Variants in HHAT observed in about 807,000 individuals in gnomAD.
HHAT encodes the protein hedgehog acyltransferase.
A neutral mutation model predicts 70.8 loss-of-function variants in HHAT; 47 were observed. The ratio of observed to expected loss-of-function variants is 0.66; its 90% CI spans 0.53 to 0.85. HHAT has a LOEUF of 0.85. HHAT is among the 40% of genes least tolerant of loss of function. The pLI is 0.00. For missense variants in HHAT, 609 were observed against 604.8 expected (o/e 1.01, Z -0.07); for synonymous variants, 228 against 247.6 (o/e 0.92, Z 0.74).
chr1:210,516,212 C>A (rs183530885), intron 9 of HHAT, among the ~76,000 whole-genome samples: 1 of 152,012 alleles, frequency 6.6e-6, no homozygotes, highest in African/African-American at 2.4e-5. Context: ...AGGTTGAAGA[C>A]GGTGGGGTTA....
intron 7 of HHAT, among the ~76,000 whole-genome samples, chr1:210,452,359 G>A (rs1425436103): frequency 6.6e-6 from 1 of 152,190 alleles, no homozygotes; most frequent in African/African-American, 2.4e-5. Flanking sequence ...TTAGGGTTCA[G>A]GTGGGGGCTC....
At chr1:210,553,149 T>C (rs1460156357) in intron 9 of HHAT, among the ~76,000 whole-genome samples, 1 of 152,194 alleles carries the variant, frequency 6.6e-6, no homozygotes, top group African/African-American at 2.4e-5. Flanking sequence ...AGATGGAACC[T>C]ATGTCTTGGA....
chr1:210,484,487 A>G (rs1346939742), intron 8 of HHAT, among the ~76,000 whole-genome samples: 1 of 121,656 alleles, frequency 8.2e-6, no homozygotes, highest in East Asian at 2.1e-4. Flanking sequence ...CGCTGTTACC[A>G]TAGCTACTTT....
chr1:210,459,082 G>A lies in HHAT; in HGVS notation c.857-5423G>A, dbSNP rs151235656. Among the ~76,000 whole-genome samples, 290 of 152,288 alleles carry A rather than the reference G, an allele frequency of 1.9e-3. 7 individuals carry two copies. In the South Asian group the frequency reaches 0.041, roughly 21 times the overall value. On this transcript the variant is annotated intron_variant, in intron 7 of 11. Transcript: ENST00000261458. ...TGATGAGCTGAGTTTAAGATGGCCC[G>A]TTTGGAAGTGGCCCGTTGTTAGGCA...
intron 7 of HHAT, among the ~76,000 whole-genome samples, chr1:210,442,604 A>G (rs2093545418): frequency 6.6e-6 from 1 of 152,124 alleles, no homozygotes; most frequent in Admixed American, 6.5e-5. Context: ...ATGGCCAGTG[A>G]TGATGAGCAT....
chr1:210,470,138 C>T (rs973548394), intron 8 of HHAT, among the ~76,000 whole-genome samples: 1 of 152,140 alleles, frequency 6.6e-6, no homozygotes, highest in African/African-American at 2.4e-5. Context: ...AGACACTGTG[C>T]CCAGACCCAC....
intron 7 of HHAT, among the ~76,000 whole-genome samples, chr1:210,425,537 T>G (rs1374456526): frequency 6.6e-6 from 1 of 152,102 alleles, no homozygotes; most frequent in East Asian, 1.9e-4. Context: ...AAAGAAGGGG[T>G]CCAGTTTTAG....
intron 7 of HHAT, among the ~76,000 whole-genome samples, chr1:210,440,808 T>A (rs1254187496): frequency 6.7e-6 from 1 of 149,446 alleles, no homozygotes; most frequent in East Asian, 1.9e-4. Context: ...GACAGCCAAA[T>A]CTAGGTTCCC....
intron 11 of HHAT, among the ~76,000 whole-genome samples, chr1:210,640,390 G>A (rs1672751849): frequency 6.6e-6 from 1 of 152,138 alleles, no homozygotes; most frequent in East Asian, 1.9e-4. Flanking sequence ...GAAGAGAATT[G>A]TTTGGGGCTA....
At chr1:210,630,911 A>C (rs550750400) in intron 11 of HHAT, 2 of 385,888 alleles carry the variant, frequency 5.2e-6, no homozygotes, top group Non-Finnish European at 1.0e-5. Context: ...GCAGAGCTGC[A>C]GGATGGAAAC....
chr1:210,666,644 C>G (rs1172844475), intron 11 of HHAT, among the ~76,000 whole-genome samples: 2 of 152,110 alleles, frequency 1.3e-5, no homozygotes, highest in Non-Finnish European at 2.9e-5. Context: ...CCACCACGCC[C>G]TGCTAATTTT....
chr1:210,577,860 G>A (rs1052610964), intron 9 of HHAT, among the ~76,000 whole-genome samples: 7 of 151,872 alleles, frequency 4.6e-5, no homozygotes, highest in Non-Finnish European at 1.0e-4. Context: ...TGGCCAGGCT[G>A]GTCTTGAACT....
chr1:210,330,118 G>C (rs370668364), intron 1 of HHAT, among the ~76,000 whole-genome samples: 13 of 152,198 alleles, frequency 8.5e-5, no homozygotes, highest in African/African-American at 3.1e-4. Context: ...GGAGAGGAGA[G>C]GGAAGGCTTC....
chr1:210,604,453 TAG>T (rs1664970184), intron 10 of HHAT, among the ~76,000 whole-genome samples: 1 of 152,130 alleles, frequency 6.6e-6, no homozygotes, highest in East Asian at 1.9e-4. Context: ...CAAAGAATGA[TAG>T]ATTTAATAAA....
chr1:210,662,277 G>A (rs1014261545), intron 11 of HHAT, among the ~76,000 whole-genome samples: 5 of 152,146 alleles, frequency 3.3e-5, no homozygotes, highest in African/African-American at 1.2e-4. Flanking sequence ...ACTGCCTATG[G>A]CAAGAATCCA....
rs922011625 is a variant in HHAT, at chr1:210,598,249, G to A, written c.1245+10150G>A. Among the ~76,000 whole-genome samples the A allele has an allele frequency of 2.0e-5, 3 of 151,806 alleles. No individual in the cohort carries two copies. In the East Asian group the frequency reaches 5.9e-4, roughly 30 times the overall value. ...TTCTGTCTCCTCTTCTCAAGCAGAA[G>A]TTTGGAAGGAATCTGTCTTGGAGCT... On this transcript the variant is annotated intron_variant, in intron 10 of 11. Coordinates refer to ENST00000261458, the MANE Select transcript of HHAT (RefSeq NM_018194.6).
intron 4 of HHAT, among the ~76,000 whole-genome samples, chr1:210,392,244 G>A (rs2091507071): frequency 6.6e-6 from 1 of 152,058 alleles, no homozygotes; most frequent in South Asian, 2.1e-4. Context: ...GAGTTGCCCT[G>A]GGGACACTGT....
At chr1:210,386,262 A>T (rs542299084) in intron 3 of HHAT, among the ~76,000 whole-genome samples, 1 of 51,726 alleles carries the variant, frequency 1.9e-5, no homozygotes, top group Non-Finnish European at 3.8e-5. Flanking sequence ...TTTTTGAGAC[A>T]GAGTCTCGCT....
chr1:210,559,959 T>G (rs2095606438), intron 9 of HHAT, among the ~76,000 whole-genome samples: 1 of 151,934 alleles, frequency 6.6e-6, no homozygotes, highest in Admixed American at 6.5e-5. Flanking sequence ...TCTCTGGTAG[T>G]GCCAGGGGAT....
Sources: allele counts gnomAD v4.1 joint callset (sites outside exome capture counted in the v4.1 genomes callset), GRCh38; gene constraint gnomAD v4.1.1; transcripts MANE v1.5; gene names NCBI Gene and HGNC (gene_info 2026-07-23, HGNC 2026-07-21).